The following BCAS3 variants were observed in gnomAD, a reference collection of about 807,000 sequenced individuals.
BCAS3 encodes BCAS3 microtubule associated cell migration factor, also known as BCAS4/BCAS3 fusion.
BCAS3 carries 53 observed loss-of-function variants against 116.1 expected under a neutral mutation model. The observed-to-expected ratio is 0.46, with a 90% CI of 0.37 to 0.57. The LOEUF (loss-of-function observed/expected upper bound fraction) is 0.57, where lower values mean the gene tolerates loss of function less well. Among genes scored for constraint, BCAS3 ranks in the 20% least tolerant of loss-of-function variants. The pLI is 0.00. For missense variants in BCAS3, 917 were observed against 1,165.4 expected (o/e 0.79, Z 3.10); for synonymous variants, 391 against 408.2 (o/e 0.96, Z 0.51).
intron 14 of BCAS3, chr17:60,987,021 T>C (rs2063181519): frequency 6.6e-6 from 1 of 152,098 alleles, no homozygotes; most frequent in Non-Finnish European, 1.5e-5. Context: ...TGGCGAGAGA[T>C]AGGGGTCTAT....
At chr17:61,221,936 C>T (rs909006881) in intron 22 of BCAS3, among the ~76,000 whole-genome samples, 3 of 152,166 alleles carry the variant, frequency 2.0e-5, no homozygotes, top group South Asian at 2.1e-4. Flanking sequence ...TTCTAACTTA[C>T]GTCATAAGTT....
At chr17:61,045,869 A>C (rs1296771896) in intron 19 of BCAS3, among the ~76,000 whole-genome samples, 9 of 22,004 alleles carry the variant, frequency 4.1e-4, no homozygotes, top group Admixed American at 1.7e-3. Context: ...ATATATAAAT[A>C]TATATAAATA....
intron 18 of BCAS3, among the ~76,000 whole-genome samples, chr17:61,040,427 T>C (rs1223274348): frequency 2.6e-5 from 4 of 152,232 alleles, no homozygotes; most frequent in African/African-American, 9.6e-5. Flanking sequence ...TTTTAAAATA[T>C]ACACATATTT....
intron 22 of BCAS3, among the ~76,000 whole-genome samples, chr17:61,165,026 C>T (rs1159798972): frequency 6.6e-6 from 1 of 152,226 alleles, no homozygotes; most frequent in Non-Finnish European, 1.5e-5. Flanking sequence ...GTTGGTTCTC[C>T]ATGCAGGTGG....
intron 6 of BCAS3, among the ~76,000 whole-genome samples, chr17:60,789,996 T>G (rs2046619930): frequency 6.6e-6 from 1 of 152,176 alleles, no homozygotes; most frequent in South Asian, 2.1e-4. Flanking sequence ...GTTGGAAGTT[T>G]AGTTAGTATT....
intron 16 of BCAS3, chr17:61,027,430 C>T (rs1316406785): frequency 2.3e-6 from 1 of 435,338 alleles, no homozygotes; most frequent in Admixed American, 2.6e-5. Flanking sequence ...ATATATTTTA[C>T]ATAAAACCTC....
chr17:61,202,059 C>CTTTTTTTTTTTTTT (rs35961240), intron 22 of BCAS3, among the ~76,000 whole-genome samples: 3 of 70,334 alleles, frequency 4.3e-5, no homozygotes, highest in African/African-American at 1.6e-4. Context: ...TGCCCGGCCT[C>CTTTTTTTTTTTTTT]TTTTTTTTTT....
In BCAS3 at chr17:61,352,938, C is replaced by G. The variant is rs150369114; in HGVS notation, c.2426-15389C>G. Reference sequence around the variant, plus strand: ...TTTGCTTTAATGGAGTGTTAACCCCCGTCGCTGGAACTCATGTTAATGCCT... The same window carrying G: ...TTTGCTTTAATGGAGTGTTAACCCCGGTCGCTGGAACTCATGTTAATGCCT... On this transcript the variant is annotated intron_variant, in intron 22 of 23. Coordinates refer to ENST00000407086, the MANE Select transcript of BCAS3 (RefSeq NM_017679.5). This position sits in a 1 kb window ranked among gnomAD's most constrained non-coding sequence, Gnocchi z 4.7. Among the ~76,000 whole-genome samples the G allele has an allele frequency of 3.6e-3, 547 of 152,324 alleles. 3 individuals are homozygous for G. Among genetic ancestry groups the G allele is most frequent in the African/African-American group, 0.012 (516 of 41,578 alleles).
In BCAS3 at chr17:61,013,928, A is replaced by G. The variant is rs1456550966; in HGVS notation, c.1487-1823A>G. ...ACTACCTCTCAGGCTACCATTAGAT[A>G]CTGTGTGGTAGTTCTCCCTCTATCC... On this transcript the variant is annotated intron_variant, in intron 15 of 23. Transcript: ENST00000407086. The surrounding 1 kb of genome is among the most constrained non-coding windows in gnomAD (Gnocchi z 4.4). Among the ~76,000 whole-genome samples the G allele has an allele frequency of 2.0e-5, 3 of 152,096 alleles. No individual in the cohort carries two copies. In the East Asian group the frequency reaches 5.8e-4, roughly 29 times the overall value.
chr17:61,379,445 G>A lies in BCAS3; in HGVS notation c.2593+10951G>A, dbSNP rs1778313547. On this transcript the variant is annotated intron_variant, in intron 23 of 23. Transcript: ENST00000407086. This position sits in a 1 kb window ranked among gnomAD's most constrained non-coding sequence, Gnocchi z 5.5. ...GACCCTTTAGGAATCCAGAATCTTG[G>A]CTCCTAGAAGCCATAGAGCACTGTA... The A allele has an allele frequency of 6.6e-6, 1 of 152,118 alleles. No individual in the cohort carries two copies. The highest frequency in any genetic ancestry group is 2.1e-4 in the South Asian group (1 of 4,820). 9.4% of individuals were successfully genotyped at this position (152,118 alleles called of 1,614,324 possible).
intron 10 of BCAS3, among the ~76,000 whole-genome samples, chr17:60,894,914 C>T (rs2057407513): frequency 6.6e-6 from 1 of 151,872 alleles, no homozygotes; most frequent in Non-Finnish European, 1.5e-5. Context: ...GGAATAAATC[C>T]CCCTTGATTG....
At chr17:61,093,425 A>G (rs1202450111) in intron 22 of BCAS3, among the ~76,000 whole-genome samples, 1 of 152,070 alleles carries the variant, frequency 6.6e-6, no homozygotes, top group African/African-American at 2.4e-5. Flanking sequence ...TGTCTGTACA[A>G]AAAGTACAAA....
At chr17:61,322,838 G>GAGAGAGAGAGAC (rs2055390965) in intron 22 of BCAS3, among the ~76,000 whole-genome samples, 1 of 139,132 alleles carries the variant, frequency 7.2e-6, no homozygotes, top group African/African-American at 3.1e-5. Context: ...GACAGAGAGA[G>GAGAGAGAGAGAC]AGAGAGAGAG....
chr17:60,875,017 T>C lies in BCAS3; in HGVS notation c.661+279T>C, dbSNP rs117906699. Reference sequence around the variant, plus strand: ...CTTGAGTTTGTGATTTAGTTTCATATAGCTGTTTCATACTTTCAAAGCAGT... The same window carrying C: ...CTTGAGTTTGTGATTTAGTTTCATACAGCTGTTTCATACTTTCAAAGCAGT... On this transcript the variant is annotated intron_variant, in intron 9 of 23. Coordinates refer to ENST00000407086, the MANE Select transcript of BCAS3 (RefSeq NM_017679.5). 2.3e-4 allele frequency among the ~76,000 whole-genome samples: 35 copies of C among 152,318 alleles called. 1 individual carries two copies. In the East Asian group the frequency reaches 6.7e-3, roughly 29 times the overall value.
chr17:61,140,118 A>G lies in BCAS3; in HGVS notation c.2425+55554A>G, dbSNP rs745779494. 1.3e-5 allele frequency among the ~76,000 whole-genome samples: 2 copies of G among 151,928 alleles called. No homozygotes were observed. Among genetic ancestry groups the G allele is most frequent in the Non-Finnish European group, 1.5e-5 (1 of 67,962 alleles). ...TGGGCGTGGTGGTGCATTCCTGTAA[A>G]CCCAGCTACTCAGGAGGCTGAGGCA... On this transcript the variant is annotated intron_variant, in intron 22 of 23. Coordinates refer to ENST00000407086, the MANE Select transcript of BCAS3 (RefSeq NM_017679.5). The surrounding 1 kb of genome is among the most constrained non-coding windows in gnomAD (Gnocchi z 4.2).
At chr17:61,044,797 G>T (rs2067892902) in intron 19 of BCAS3, among the ~76,000 whole-genome samples, 1 of 149,722 alleles carries the variant, frequency 6.7e-6, no homozygotes, top group Non-Finnish European at 1.5e-5. Context: ...TTTTGAGATG[G>T]AGTCTTGCTC....
chr17:60,696,572 T>A (rs1412698329), intron 4 of BCAS3: 1 of 152,158 alleles, frequency 6.6e-6, no homozygotes. Flanking sequence ...GCCACTGCAG[T>A]CCAGCCTGGG....
At chr17:60,978,676 TG>T (rs1459223866) in intron 14 of BCAS3, among the ~76,000 whole-genome samples, 2 of 152,230 alleles carry the variant, frequency 1.3e-5, no homozygotes, top group Non-Finnish European at 2.9e-5. Flanking sequence ...AATTGATTTT[TG>T]TATAAGGTGC....
At position 61,156,850 on chromosome 17, in the gene BCAS3, C is replaced by A. The variant is rs1279676175; in HGVS notation, c.2425+72286C>A. On this transcript the variant is annotated intron_variant, in intron 22 of 23. Coordinates refer to ENST00000407086, the MANE Select transcript of BCAS3 (RefSeq NM_017679.5). The surrounding 1 kb of genome is among the most constrained non-coding windows in gnomAD (Gnocchi z 4.7). ...TACAGACCACCTCAACGATGGACTC[C>A]TTTATGAATGATTTAGGTAATTGAC... Among the ~76,000 whole-genome samples the A allele has an allele frequency of 6.6e-6, 1 of 152,068 alleles. No individual in the cohort carries two copies. Among genetic ancestry groups the A allele is most frequent in the Non-Finnish European group, 1.5e-5 (1 of 68,026 alleles).
Sources: allele counts gnomAD v4.1 joint callset (sites outside exome capture counted in the v4.1 genomes callset), GRCh38; gene constraint gnomAD v4.1.1; non-coding constraint Gnocchi (gnomAD v3.1); transcripts MANE v1.5; gene names NCBI Gene and HGNC (gene_info 2026-07-23, HGNC 2026-07-21).